HTT: variants seen among roughly 807,000 people sequenced by gnomAD.
The protein encoded by HTT is huntingtin, also known as huntington disease protein.
HTT carries 104 observed loss-of-function variants against 362.3 expected under a neutral mutation model. The observed-to-expected ratio is 0.29, with a 90% CI of 0.24 to 0.34. The LOEUF is 0.34. HTT is among the 10% of genes least tolerant of loss of function. The pLI is 1.00. For missense variants in HTT, 3,301 were observed against 3,928.6 expected (o/e 0.84, Z 4.27); for synonymous variants, 1,577 against 1,548.7 (o/e 1.02, Z -0.43).
In HTT at chr4:3,228,475, A is replaced by G. The variant is rs1294107374; in HGVS notation, c.7849-140A>G. 1 of 913,074 alleles carries G rather than the reference A, an allele frequency of 1.1e-6. No individual in the cohort carries two copies. Among genetic ancestry groups the G allele is most frequent in the Non-Finnish European group, 1.6e-6 (1 of 635,020 alleles). The allele number at this position is 913,074 out of a possible 1,614,324, so 56.6% of individuals were successfully genotyped here. ...CTCTCTGTGGGCTCCCTTGCCCGTA[A>G]CCTGGGGTGTCTGAACGACCCTTGC... On this transcript the variant is annotated intron_variant, in intron 57 of 66. Coordinates refer to ENST00000355072, the MANE Select transcript of HTT (RefSeq NM_001388492.1). The surrounding 1 kb of genome is among the most constrained non-coding windows in gnomAD (Gnocchi z 4.3).
At chr4:3,227,356 T>G (rs77458914) in intron 57 of HTT, among the ~76,000 whole-genome samples, 5 of 74,146 alleles carry the variant, frequency 6.7e-5, no homozygotes, top group Admixed American at 2.5e-4. Flanking sequence ...TGCCACCCCT[T>G]CCCTGTCTGG....
intron 28 of HTT, among the ~76,000 whole-genome samples, chr4:3,157,960 T>A (rs1717235382): frequency 6.6e-6 from 1 of 152,150 alleles, no homozygotes; most frequent in Non-Finnish European, 1.5e-5. Context: ...TATATCAATC[T>A]ATCTGTCTGC....
chr4:3,218,036 G>A lies in HTT; in HGVS notation c.7242+84G>A. 8.2e-7 allele frequency: 1 copy of A among 1,212,534 alleles called. No individual in the cohort carries two copies. The allele number at this position is 1,212,534 out of a possible 1,614,324, so 75.1% of individuals were successfully genotyped here. A position where few individuals can be genotyped will look rare whatever the true frequency, so the allele number is the denominator to read the frequency against. ...GGGCTGGGCACACGTGAGAGGGCGGGACAGAATCCCCGCAGCCCAGAGGCT... is the reference window on the plus strand; with the variant it reads ...GGGCTGGGCACACGTGAGAGGGCGGAACAGAATCCCCGCAGCCCAGAGGCT... On this transcript the variant is annotated intron_variant, in intron 52 of 66. Transcript: ENST00000355072. The surrounding 1 kb of genome is among the most constrained non-coding windows in gnomAD (Gnocchi z 4.4).
At chr4:3,219,672 C>A (rs1720586257) in intron 52 of HTT, among the ~76,000 whole-genome samples, 1 of 152,200 alleles carries the variant, frequency 6.6e-6, no homozygotes, top group African/African-American at 2.4e-5. Context: ...TGAGCTGATC[C>A]TGCCACTTGA....
chr4:3,171,464 T>C (rs148835059), intron 29 of HTT, among the ~76,000 whole-genome samples: 2 of 151,306 alleles, frequency 1.3e-5, no homozygotes, highest in African/African-American at 4.9e-5. Flanking sequence ...TCTTCTTCTT[T>C]CTTGATTCTT....
intron 54 of HTT, 58 bp from the exon 55 acceptor site, chr4:3,223,348 G>A (rs71608256): frequency 1.3e-6 from 2 of 1,492,964 alleles, no homozygotes; most frequent in Non-Finnish European, 1.8e-6. Context: ...GGGTTCTGCA[G>A]GCAGAGGTGG....
At chr4:3,229,554 A>C (rs745953926) in intron 59 of HTT, among the ~76,000 whole-genome samples, 8 of 149,972 alleles carry the variant, frequency 5.3e-5, no homozygotes, top group Non-Finnish European at 8.9e-5. Context: ...ACACACATGC[A>C]CCACACACAT....
intron 39 of HTT, chr4:3,188,665 A>G (rs372294556): frequency 1.6e-5 from 4 of 252,252 alleles, no homozygotes; most frequent in Non-Finnish European, 2.3e-5. Flanking sequence ...TTGATGATAC[A>G]TTAAATTCCT....
intron 21 of HTT, among the ~76,000 whole-genome samples, chr4:3,139,527 T>A (rs1338465250): frequency 6.6e-6 from 1 of 152,150 alleles, no homozygotes; most frequent in East Asian, 1.9e-4. Flanking sequence ...CTAGAAAAAA[T>A]TCTACTCATG....
intron 1 of HTT, among the ~76,000 whole-genome samples, chr4:3,083,095 G>T (rs1713002917): frequency 1.3e-5 from 2 of 152,164 alleles, no homozygotes; most frequent in Admixed American, 6.5e-5. Context: ...CCAGTAAGGA[G>T]GCCAGTGGCT....
Position 3,140,644 on chromosome 4 carries a change from G to A in HTT, c.2933G>A (p.Ser978Asn), listed in dbSNP as rs781308516. Residue 978 changes from serine to asparagine, a missense_variant, in exon 22 of 67, where the codon AGC (serine) becomes AAC (asparagine). Around this residue, in one of 4 missense-constraint regions of HTT, gnomAD observed 2,316 missense variants for 2,658.5 expected, o/e 0.87. Coordinates refer to ENST00000355072, the MANE Select transcript of HTT (RefSeq NM_001388492.1). Reference sequence around the variant, plus strand: ...CAGCCTCCATCTCATTTCTCCGTCAGCACAATAACCAGGTATGCTGACCCA... The same window carrying A: ...CAGCCTCCATCTCATTTCTCCGTCAACACAATAACCAGGTATGCTGACCCA... ...ETQPPSHFSV[S>N]TITRIYRGYN... is the part of the protein sequence containing the mutation. 2.5e-6 allele frequency: 4 copies of A among 1,614,064 alleles called. No individual in the cohort carries two copies. Among genetic ancestry groups the A allele is most frequent in the Non-Finnish European group, 3.4e-6 (4 of 1,179,960 alleles).
At position 3,239,969 on chromosome 4, in the gene HTT, G is replaced by C; in HGVS notation, c.9339G>C (p.Gln3113His). Reference protein sequence around the residue: ...IEEELDRRAFQSVLEVVAAPG... With the variant: ...IEEELDRRAFHSVLEVVAAPG... ...AGGAGCTCGACCGCAGGGCCTTCCA[G>C]TCTGTGCTTGAGGTGGTTGCAGCCC... is the stretch of plus-strand genomic sequence containing the variant. Residue 3113 changes from glutamine to histidine, a missense_variant, in exon 67 of 67, where the codon CAG (glutamine) becomes CAC (histidine). Around this residue, in one of 4 missense-constraint regions of HTT, gnomAD observed 753 missense variants for 1,021.3 expected, o/e 0.74. Transcript: ENST00000355072. 6.3e-7 allele frequency: 1 copy of C among 1,598,020 alleles called. No homozygotes were observed. The highest frequency in any genetic ancestry group is 8.5e-7 in the Non-Finnish European group (1 of 1,171,790).
At chr4:3,079,636 A>G (rs962661972) in intron 1 of HTT, among the ~76,000 whole-genome samples, 1 of 152,178 alleles carries the variant, frequency 6.6e-6, no homozygotes, top group Admixed American at 6.6e-5. Context: ...TCAGACCAAT[A>G]CTACTTGCCT....
intron 59 of HTT, 60 bp downstream of exon 59, chr4:3,229,069 C>T: frequency 6.7e-7 from 1 of 1,493,890 alleles, no homozygotes; most frequent in Non-Finnish European, 9.2e-7. Flanking sequence ...ACACACGCCA[C>T]ACACCCCACA....
chr4:3,235,417 T>A lies in HTT; in HGVS notation c.8571+19T>A. 1.3e-6 allele frequency: 2 copies of A among 1,549,066 alleles called. No individual in the cohort carries two copies. The highest frequency in any genetic ancestry group is 1.8e-6 in the Non-Finnish European group (2 of 1,120,774). On this transcript the variant is annotated intron_variant, in intron 62 of 66. Transcript: ENST00000355072. ...AATACAGGTGAGTGGGCCCTGGCTG[T>A]CTTCCTCTGCACACGGGGAGTGGGC...
intron 35 of HTT, 147 bp downstream of exon 35, chr4:3,178,593 TTAGAGACGTTTCAAAA>T (rs1718354666): frequency 1.5e-6 from 1 of 661,422 alleles, no homozygotes. Context: ...AAGGTACTGG[TTAGAGACGTTTCAAAA>T]GAGAAGAGAG....
At chr4:3,105,334 C>G (rs374643300) in intron 4 of HTT, 23 bp from the exon 5 acceptor site, 3 of 1,566,156 alleles carry the variant, frequency 1.9e-6, no homozygotes, top group African/African-American at 2.7e-5. Context: ...ACTCTTAATG[C>G]AACCCTCATT....
At chr4:3,194,704 C>G (rs906302602) in intron 40 of HTT, among the ~76,000 whole-genome samples, 1 of 152,220 alleles carries the variant, frequency 6.6e-6, no homozygotes, top group African/African-American at 2.4e-5. Flanking sequence ...CTCACCCCTT[C>G]CTCTGTGGCA....
chr4:3,108,009 T>G (rs1225291408), intron 6 of HTT, among the ~76,000 whole-genome samples: 1 of 152,048 alleles, frequency 6.6e-6, no homozygotes, highest in African/African-American at 2.4e-5. Flanking sequence ...CTGGGTAGAG[T>G]GGAATCAGAT....
Sources: allele counts gnomAD v4.1 joint callset (sites outside exome capture counted in the v4.1 genomes callset), GRCh38; gene constraint gnomAD v4.1.1; regional missense constraint gnomAD v4.1.1; non-coding constraint Gnocchi (gnomAD v3.1); transcripts MANE v1.5; gene names NCBI Gene and HGNC (gene_info 2026-07-23, HGNC 2026-07-21).